Variants in ETV6 observed in about 807,000 individuals in gnomAD.
ETV6 encodes ETS variant transcription factor 6.
ETV6 carries 16 observed loss-of-function variants against 51.1 expected under a neutral mutation model. The observed-to-expected ratio is 0.31, with a 90% CI of 0.21 to 0.48. The LOEUF is 0.48. Ranked by LOEUF, ETV6 falls within the 20% of genes least tolerant of loss-of-function variation. ETV6 has a pLI of 0.99. For missense variants in ETV6, 458 were observed against 594.8 expected, an observed-to-expected ratio of 0.77 and a Z score of 2.39; for synonymous variants, 240 against 224.1, an observed-to-expected ratio of 1.07 and a Z score of -0.64.
intron 1 of ETV6, among the ~76,000 whole-genome samples, chr12:11,680,098 G>A (rs181097780): frequency 2.6e-5 from 4 of 152,224 alleles, no homozygotes; most frequent in East Asian, 1.9e-4. Flanking sequence ...TTTGACCTCC[G>A]AATACTGAAA....
intron 1 of ETV6, among the ~76,000 whole-genome samples, chr12:11,683,830 T>C (rs1176932677): frequency 6.6e-6 from 1 of 152,174 alleles, no homozygotes; most frequent in African/African-American, 2.4e-5. Flanking sequence ...TGTTACCTTT[T>C]TTTCCTGTGG....
chr12:11,823,389 C>T (rs934251347), intron 2 of ETV6, among the ~76,000 whole-genome samples: 4 of 151,790 alleles, frequency 2.6e-5, no homozygotes, highest in Admixed American at 6.6e-5. Flanking sequence ...TCTTGACTTT[C>T]GGTGATAGGA....
At chr12:11,721,805 T>C (rs554454459) in intron 1 of ETV6, among the ~76,000 whole-genome samples, 1 of 152,370 alleles carries the variant, frequency 6.6e-6, no homozygotes, top group Admixed American at 6.5e-5. Flanking sequence ...AGATGCCTAA[T>C]GAACATTAGT....
chr12:11,728,071 C>T (rs184277035), intron 1 of ETV6, among the ~76,000 whole-genome samples: 95 of 152,270 alleles, frequency 6.2e-4, no homozygotes, highest in African/African-American at 2.0e-3. Context: ...CTGCCCGCCT[C>T]GGTCTTCCAA....
chr12:11,876,296 A>G (rs1042148722), intron 5 of ETV6, among the ~76,000 whole-genome samples: 2 of 152,210 alleles, frequency 1.3e-5, no homozygotes, highest in African/African-American at 2.4e-5. Context: ...CATTGATTCA[A>G]AAATTATTGC....
intron 2 of ETV6, among the ~76,000 whole-genome samples, chr12:11,805,416 T>G: frequency 6.6e-6 from 1 of 152,182 alleles, no homozygotes; most frequent in East Asian, 1.9e-4. Flanking sequence ...TAGTGGGACG[T>G]CAGACAGGAG....
chr12:11,787,789 G>T (rs1945510892), intron 2 of ETV6, among the ~76,000 whole-genome samples: 1 of 152,132 alleles, frequency 6.6e-6, no homozygotes, highest in Non-Finnish European at 1.5e-5. Context: ...CAAAAATATT[G>T]TGTAGAATAT....
At chr12:11,717,273 G>C (rs1865295431) in intron 1 of ETV6, among the ~76,000 whole-genome samples, 1 of 152,200 alleles carries the variant, frequency 6.6e-6, no homozygotes, top group African/African-American at 2.4e-5. Flanking sequence ...CACATTTTCA[G>C]CTTCAATAGC....
chr12:11,821,508 G>T (rs1946080390), intron 2 of ETV6, among the ~76,000 whole-genome samples: 3 of 151,974 alleles, frequency 2.0e-5, no homozygotes, highest in Admixed American at 1.3e-4. Flanking sequence ...AGGTTGGTTG[G>T]CCTCATTAAG....
At chr12:11,816,958 GCCATTAC>G (rs1946002811) in intron 2 of ETV6, among the ~76,000 whole-genome samples, 5 of 152,210 alleles carry the variant, frequency 3.3e-5, no homozygotes, top group African/African-American at 7.2e-5. Flanking sequence ...GATAGCACAT[GCCATTAC>G]CATAGTGGGC....
At chr12:11,854,776 A>T (rs1361797509) in intron 4 of ETV6, among the ~76,000 whole-genome samples, 4 of 152,102 alleles carry the variant, frequency 2.6e-5, no homozygotes. Flanking sequence ...TAAAAGTTGG[A>T]AGAAGGAAAG....
chr12:11,895,101 G>C lies in ETV6; in HGVS notation c.*4055G>C, dbSNP rs2136629568. On this transcript the variant is annotated 3_prime_UTR_variant, in exon 8 of 8. Coordinates refer to ENST00000396373, the MANE Select transcript of ETV6 (RefSeq NM_001987.5). ...ACTGCATCAACACTAAACAGCTGCA[G>C]ACCCCCTGAATCTTTCACACATGCC... The C allele has an allele frequency of 4.5e-6, 1 of 222,178 alleles. No homozygotes were observed. Among genetic ancestry groups the C allele is most frequent in the South Asian group, 1.9e-4 (1 of 5,326 alleles). 13.8% of individuals were successfully genotyped at this position (222,178 alleles called of 1,614,324 possible). A position where few individuals can be genotyped will look rare whatever the true frequency, so the allele number is the denominator to read the frequency against.
chr12:11,858,404 A>ATATTT (rs1311155717), intron 4 of ETV6, among the ~76,000 whole-genome samples: 2 of 149,970 alleles, frequency 1.3e-5, no homozygotes, highest in Admixed American at 6.6e-5. Context: ...ATATATATAT[A>ATATTT]TTTTTTTTTA....
At chr12:11,745,743 T>G (rs1414560173) in intron 1 of ETV6, among the ~76,000 whole-genome samples, 1 of 152,220 alleles carries the variant, frequency 6.6e-6, no homozygotes, top group East Asian at 1.9e-4. Flanking sequence ...CTTTTAGATT[T>G]GCTGCTCTTG....
intron 1 of ETV6, among the ~76,000 whole-genome samples, chr12:11,693,582 C>T (rs996725862): frequency 2.6e-5 from 4 of 152,140 alleles, no homozygotes; most frequent in African/African-American, 4.8e-5. Context: ...CACCCAAGTT[C>T]GGACTCAGGA....
At chr12:11,742,725 C>A (rs538408257) in intron 1 of ETV6, among the ~76,000 whole-genome samples, 1 of 152,040 alleles carries the variant, frequency 6.6e-6, no homozygotes, top group South Asian at 2.1e-4. Flanking sequence ...CATAATAACA[C>A]CTTGCATTAG....
At chr12:11,855,526 A>G (rs1946620346) in intron 4 of ETV6, among the ~76,000 whole-genome samples, 1 of 152,144 alleles carries the variant, frequency 6.6e-6, no homozygotes. Flanking sequence ...CCCTTGGGGC[A>G]TTTCCTTAAA....
intron 1 of ETV6, among the ~76,000 whole-genome samples, chr12:11,677,300 A>G (rs953310844): frequency 2.6e-5 from 4 of 152,190 alleles, no homozygotes; most frequent in Non-Finnish European, 4.4e-5. Context: ...CTCTCTGCCA[A>G]TAATTACAAA....
At chr12:11,765,594 T>C (rs1258140783) in intron 2 of ETV6, among the ~76,000 whole-genome samples, 1 of 152,182 alleles carries the variant, frequency 6.6e-6, no homozygotes, top group Non-Finnish European at 1.5e-5. Context: ...GCACAGCTGC[T>C]GTGGGCTCTC....
Sources: allele counts gnomAD v4.1 joint callset (sites outside exome capture counted in the v4.1 genomes callset), GRCh38; gene constraint gnomAD v4.1.1; transcripts MANE v1.5; gene names NCBI Gene and HGNC (gene_info 2026-07-23, HGNC 2026-07-21).